Variants in CALD1 observed in about 807,000 individuals in gnomAD.
The protein encoded by CALD1 is caldesmon 1, also known as caldesmon.
Under a neutral mutation model 99.9 loss-of-function variants are expected in CALD1, and 33 were observed. That is an observed-to-expected ratio of 0.33 (90% CI 0.25 to 0.44). The LOEUF (loss-of-function observed/expected upper bound fraction) is 0.44. CALD1 is among the 20% of genes least tolerant of loss of function. CALD1 has a pLI of 1.00. For synonymous variants in CALD1, 310 were observed against 325.0 expected, an observed-to-expected ratio of 0.95 and a Z score of 0.50; for missense variants, 861 against 962.1, an observed-to-expected ratio of 0.89 and a Z score of 1.39.
At chr7:134,800,756 CTTAAT>C (rs910031839) in intron 1 of CALD1, among the ~76,000 whole-genome samples, 6 of 151,890 alleles carry the variant, frequency 4.0e-5, no homozygotes, top group Non-Finnish European at 8.8e-5. Context: ...ACAGGGCAAA[CTTAAT>C]TTAAACAATA....
chr7:134,829,415 T>C (rs1799133432), intron 1 of CALD1, among the ~76,000 whole-genome samples: 1 of 152,262 alleles, frequency 6.6e-6, no homozygotes, highest in Non-Finnish European at 1.5e-5. Flanking sequence ...GTTGCAATTA[T>C]TTAGTACTAT....
chr7:134,935,514 G>A (rs1805897468), intron 5 of CALD1, among the ~76,000 whole-genome samples, 174 bp from the exon 6 acceptor site: 1 of 152,142 alleles, frequency 6.6e-6, no homozygotes, highest in Non-Finnish European at 1.5e-5. Flanking sequence ...TGTTGGGGTG[G>A]GAAGAAAATA....
At position 134,779,708 on chromosome 7, in the gene CALD1, C is replaced by G. The variant is rs900995307; in HGVS notation, c.-171C>G. The G allele has an allele frequency of 1.5e-5, 6 of 398,592 alleles. No individual in the cohort carries two copies. Among genetic ancestry groups the G allele is most frequent in the Admixed American group, 1.3e-4 (3 of 22,710 alleles). 24.7% of individuals were successfully genotyped at this position (398,592 alleles called of 1,614,324 possible). ...CTCCTGCTTAAAGAAATCAGTCCTT[C>G]CTTTCCGACTTAGTCCTCGGGAAGA... On this transcript the variant is annotated 5_prime_UTR_variant, in exon 1 of 15. Transcript: ENST00000361675.
At position 134,970,365 on chromosome 7, in the gene CALD1, G is replaced by A. The variant is rs1808962320; in HGVS notation, c.*2020G>A. On this transcript the variant is annotated 3_prime_UTR_variant, in exon 15 of 15. Transcript: ENST00000361675. ...GTTCAGAAGAGAATGTATCACTGCT[G>A]ACTTTTATTCCAATATTTGGATGGA... is the stretch of plus-strand genomic sequence containing the variant. 1 of 152,410 alleles carries A rather than the reference G, an allele frequency of 6.6e-6. No individual in the cohort carries two copies. The highest frequency in any genetic ancestry group is 2.4e-5 in the African/African-American group (1 of 41,470). The allele number at this position is 152,410 out of a possible 1,614,324, so 9.4% of individuals were successfully genotyped here. A position where few individuals can be genotyped will look rare whatever the true frequency, so the allele number is the denominator to read the frequency against.
chr7:134,918,672 C>T (rs1804393260), intron 3 of CALD1, among the ~76,000 whole-genome samples: 1 of 152,294 alleles, frequency 6.6e-6, no homozygotes, highest in South Asian at 2.1e-4. Context: ...GTAGTAGGCA[C>T]ATGGTTGTGT....
At chr7:134,754,191 G>T (rs994236628) in intron 1 of CALD1, among the ~76,000 whole-genome samples, 6 of 152,186 alleles carry the variant, frequency 3.9e-5, no homozygotes, top group Admixed American at 2.0e-4. Context: ...AGGTGACTAG[G>T]GGGTAGGTTC....
chr7:134,844,923 A>G (rs758483393), intron 2 of CALD1, among the ~76,000 whole-genome samples: 12 of 152,346 alleles, frequency 7.9e-5, no homozygotes, highest in Non-Finnish European at 1.5e-4. Flanking sequence ...CACTCTTTGA[A>G]GAACTCATCT....
chr7:134,756,221 T>G (rs12667988), intron 1 of CALD1, among the ~76,000 whole-genome samples: 98,448 of 143,488 alleles, frequency 0.69, 34,185 homozygotes, highest in East Asian at 0.99. Flanking sequence ...TCAGTGAGCC[T>G]AAATCGCACC....
chr7:134,766,136 CTTTTCTTTTTTTTTTTTTTT>C (rs1041808010), intron 1 of CALD1, among the ~76,000 whole-genome samples: 2 of 91,016 alleles, frequency 2.2e-5, no homozygotes, highest in Non-Finnish European at 4.7e-5. Flanking sequence ...AACCTCTTTT[CTTTTCTTTTTTTTTTTTTTT>C]TTTTTTTTTT....
At chr7:134,888,554 C>T (rs1021934973) in intron 3 of CALD1, among the ~76,000 whole-genome samples, 7 of 152,214 alleles carry the variant, frequency 4.6e-5, no homozygotes, top group Non-Finnish European at 1.0e-4. Flanking sequence ...CTTGCCTAGC[C>T]CAGCCCTGCT....
chr7:134,756,272 CAAA>C (rs36011477), intron 1 of CALD1, among the ~76,000 whole-genome samples: 3 of 76,866 alleles, frequency 3.9e-5, no homozygotes, highest in African/African-American at 1.0e-4. Context: ...GACTTTGTCT[CAAA>C]AAAAAAAAAA....
intron 5 of CALD1, 97 bp from the exon 6 acceptor site, chr7:134,935,591 G>A (rs1414711259): frequency 2.1e-5 from 31 of 1,504,334 alleles, no homozygotes; most frequent in South Asian, 1.7e-4. Flanking sequence ...GCCATCCCAC[G>A]CAGCACTTGC....
the CALD1 span, among the ~76,000 whole-genome samples, chr7:134,725,275 T>G: frequency 6.6e-6 from 1 of 152,158 alleles, no homozygotes; most frequent in Admixed American, 6.5e-5. Context: ...GACAGTGATA[T>G]CTCTCCTCAG....
chr7:134,870,456 C>T (rs904548017), intron 3 of CALD1, among the ~76,000 whole-genome samples: 4 of 152,140 alleles, frequency 2.6e-5, no homozygotes, highest in Non-Finnish European at 2.9e-5. Context: ...AAGAATTGAC[C>T]GCACGGCTAC....
intron 9 of CALD1, among the ~76,000 whole-genome samples, chr7:134,956,431 G>T (rs937838807): frequency 2.5e-4 from 38 of 152,074 alleles, no homozygotes; most frequent in African/African-American, 8.7e-4. Context: ...GAGGGTGGAG[G>T]CCCCCTTAAT....
intron 1 of CALD1, among the ~76,000 whole-genome samples, chr7:134,807,778 C>G (rs1187165161): frequency 2.0e-5 from 3 of 152,152 alleles, no homozygotes; most frequent in Non-Finnish European, 2.9e-5. Flanking sequence ...CAGGTGCCCG[C>G]CACCATGCCC....
intron 1 of CALD1, among the ~76,000 whole-genome samples, chr7:134,817,561 A>C (rs1295094433): frequency 3.3e-5 from 5 of 152,206 alleles, no homozygotes; most frequent in African/African-American, 4.8e-5. Flanking sequence ...CTGTCCCTTT[A>C]ACTGAAGAAC....
chr7:134,772,022 C>CCCTGTTG (rs1796881869), intron 1 of CALD1, among the ~76,000 whole-genome samples: 1 of 151,816 alleles, frequency 6.6e-6, no homozygotes, highest in South Asian at 2.1e-4. Flanking sequence ...TTCACAACAT[C>CCCTGTTG]TAGAACAGGC....
chr7:134,922,101 AGCATT>A (rs1485367277), intron 3 of CALD1, among the ~76,000 whole-genome samples: 1 of 152,244 alleles, frequency 6.6e-6, no homozygotes, highest in African/African-American at 2.4e-5. Context: ...TAAAAAATAC[AGCATT>A]GCAAGATGCA....
Sources: allele counts gnomAD v4.1 joint callset (sites outside exome capture counted in the v4.1 genomes callset), GRCh38; gene constraint gnomAD v4.1.1; transcripts MANE v1.5; gene names NCBI Gene and HGNC (gene_info 2026-07-23, HGNC 2026-07-21).